ZER1: variants seen among roughly 807,000 people sequenced by gnomAD.
ZER1 encodes the protein protein zer-1 homolog.
ZER1 carries 11 observed loss-of-function variants against 78.8 expected under a neutral mutation model. The ratio of observed to expected loss-of-function variants is 0.14; its 90% CI spans 0.09 to 0.23. The LOEUF is 0.23. ZER1 is among the 10% of genes least tolerant of loss of function. The pLI is 1.00. For synonymous variants in ZER1, 400 were observed against 407.0 expected (o/e 0.98, Z 0.21); for missense variants, 588 against 996.9 (o/e 0.59, Z 5.52).
At chr9:128,769,449 C>A (rs1317203854) in intron 1 of ZER1, among the ~76,000 whole-genome samples, 2 of 150,166 alleles carry the variant, frequency 1.3e-5, no homozygotes, top group African/African-American at 2.5e-5. Context: ...TCGCTCCTGT[C>A]GCCCAGGCTG....
chr9:128,772,402 T>A (rs1308101038), upstream of ZER1: 1 of 152,282 alleles, frequency 6.6e-6, no homozygotes, highest in Admixed American at 6.5e-5. Context: ...AATGGGAAAT[T>A]GGGCGGCGAC....
At chr9:128,768,824 T>C (rs1864294997) in intron 1 of ZER1, among the ~76,000 whole-genome samples, 1 of 152,038 alleles carries the variant, frequency 6.6e-6, no homozygotes, top group Non-Finnish European at 1.5e-5. Context: ...CCACGCACAC[T>C]CCAACCACAT....
chr9:128,733,301 C>A (rs538653039), intron 15 of ZER1, 125 bp downstream of exon 15: 143 of 736,472 alleles, frequency 1.9e-4, no homozygotes, highest in Middle Eastern at 1.3e-3. Flanking sequence ...ACACTGTCAA[C>A]CTCCATACTC....
chr9:128,742,607 C>A lies in ZER1; in HGVS notation c.1498G>T (p.Val500Leu), dbSNP rs768832521. Residue 500 changes from valine (V) to leucine (L), a missense_variant, in exon 9 of 16, where the codon GTG becomes TTG. Transcript: ENST00000291900. ...RQDESIQRIA[V>L]HLCNALVCQV... ...CAGACCAGGGCATTGCACAGGTGCA[C>A]GGCGATCCGCTGGATAGACTCGTCC... 6.2e-7 allele frequency: 1 copy of A among 1,614,220 alleles called. No homozygotes were observed. Among genetic ancestry groups the A allele is most frequent in the Non-Finnish European group, 8.5e-7 (1 of 1,180,050 alleles).
intron 1 of ZER1, among the ~76,000 whole-genome samples, chr9:128,761,603 GTTTTTTT>G (rs1180495331): frequency 9.3e-6 from 1 of 107,370 alleles, no homozygotes; most frequent in African/African-American, 3.4e-5. Flanking sequence ...CCCATAATTT[GTTTTTTT>G]TTTTTTTTTT....
At position 128,731,250 on chromosome 9, in the gene ZER1, C is replaced by T. The variant is rs922945979; in HGVS notation, c.*87G>A. 19 of 1,381,976 alleles carry T rather than the reference C, an allele frequency of 1.4e-5. No individual in the cohort carries two copies. The highest frequency in any genetic ancestry group is 2.4e-5 in the East Asian group (1 of 42,458). 85.6% of individuals were successfully genotyped at this position (1,381,976 alleles called of 1,614,324 possible). A position where few individuals can be genotyped will look rare whatever the true frequency, so the allele number is the denominator to read the frequency against. On this transcript the variant is annotated 3_prime_UTR_variant, in exon 16 of 16. Transcript: ENST00000291900. Reference sequence around the variant, plus strand: ...CTCTTCACTCCGTGGGAGGCTCCCTCGGAAGGGGCCCGCCCGCTGGGCTGC... The same window carrying T: ...CTCTTCACTCCGTGGGAGGCTCCCTTGGAAGGGGCCCGCCCGCTGGGCTGC...
At chr9:128,737,174 A>C (rs777818361) in intron 13 of ZER1, among the ~76,000 whole-genome samples, 1 of 151,216 alleles carries the variant, frequency 6.6e-6, no homozygotes, top group Non-Finnish European at 1.5e-5. Context: ...TGTAGAGGTG[A>C]GGGCTCACTA....
rs1862854615 is a variant in ZER1, at chr9:128,732,259, G to C, written c.2244-865C>G. Among the ~76,000 whole-genome samples, 1 of 152,158 alleles carries C rather than the reference G, an allele frequency of 6.6e-6. No individual in the cohort carries two copies. The highest frequency in any genetic ancestry group is 1.5e-5 in the Non-Finnish European group (1 of 68,036). ...AGGTAACTGGTCAGTCTTACCCAGTGCTTCTCAAATTTCCCGGGAATCCTT... is the reference window on the plus strand; with the variant it reads ...AGGTAACTGGTCAGTCTTACCCAGTCCTTCTCAAATTTCCCGGGAATCCTT... On this transcript the variant is annotated intron_variant, in intron 15 of 15. Transcript: ENST00000291900. This position sits in a 1 kb window ranked among gnomAD's most constrained non-coding sequence, Gnocchi z 4.8.
chr9:128,749,297 A>T (rs1257982009), intron 8 of ZER1, among the ~76,000 whole-genome samples: 1 of 151,790 alleles, frequency 6.6e-6, no homozygotes, highest in Non-Finnish European at 1.5e-5. Context: ...ACTGCACTCC[A>T]GCCTGGGCGA....
Position 128,750,690 on chromosome 9 carries a change from C to G in ZER1, c.1285G>C (p.Glu429Gln). 3 of 1,614,260 alleles carry G rather than the reference C, an allele frequency of 1.9e-6. No homozygotes were observed. The highest frequency in any genetic ancestry group is 2.5e-6 in the Non-Finnish European group (3 of 1,180,046). The change falls in exon 8 of 16, where the codon GAG (glutamate) becomes CAG (glutamine). Residue 429 changes from glutamate (E) to glutamine (Q), a missense_variant. By Grantham distance (29) the Glu-to-Gln change is conservative (BLOSUM62 2). Around this residue, in one of 3 missense-constraint regions of ZER1, gnomAD observed 406 missense variants for 660.1 expected, o/e 0.62. Transcript: ENST00000291900. Reference protein sequence around the residue: ...FYLTNSEYRSEQSVKLRRQVI... With the variant: ...FYLTNSEYRSQQSVKLRRQVI... ...TGCCGGCGCAGCTTCACACTCTGCTCTGAGCGGTACTCGGAATTTGTTAGG... is the reference window on the plus strand; with the variant it reads ...TGCCGGCGCAGCTTCACACTCTGCTGTGAGCGGTACTCGGAATTTGTTAGG...
rs1863733097 is a variant in ZER1, at chr9:128,753,053, C to T, written c.746+111G>A. ...ATGGGACTGTGTCTTCATCCCCACC[C>T]TCTGCCTAGCCAAGCGCTCCTGAAC... On this transcript the variant is annotated intron_variant, in intron 4 of 15. Coordinates refer to ENST00000291900, the MANE Select transcript of ZER1 (RefSeq NM_006336.4). The surrounding 1 kb of genome is among the most constrained non-coding windows in gnomAD (Gnocchi z 7.5). The T allele has an allele frequency of 7.9e-7, 1 of 1,260,494 alleles. No homozygotes were observed. Among genetic ancestry groups the T allele is most frequent in the East Asian group, 2.5e-5 (1 of 39,364 alleles). The allele number at this position is 1,260,494 out of a possible 1,614,324, so 78.1% of individuals were successfully genotyped here. A position where few individuals can be genotyped will look rare whatever the true frequency, so the allele number is the denominator to read the frequency against.
Position 128,733,436 on chromosome 9 carries a change from C to T in ZER1, c.2233G>A (p.Glu745Lys). 3 of 1,613,970 alleles carry T rather than the reference C, an allele frequency of 1.9e-6. 1 individual carries two copies. The highest frequency in any genetic ancestry group is 3.3e-4 in the Middle Eastern group (2 of 6,062). Residue 745 changes from glutamate (E) to lysine (K), a missense_variant, in exon 15 of 16, where the codon GAA becomes AAA. Glu to Lys is a moderately conservative substitution (Grantham distance 56, BLOSUM62 1). Transcript: ENST00000291900. ...KMATARQETK[E>K]MARKVIEHCS... ...CTGCTGGTCTCTTACCGGGCCATTT[C>T]CTTGGTCTCCTGCCGTGCGGTCGCC...
Position 128,741,577 on chromosome 9 carries a change from G to A in ZER1, c.1695C>T (p.Phe565=), listed in dbSNP as rs776701903. 5.4e-5 allele frequency: 87 copies of A among 1,614,086 alleles called. No homozygotes were observed. Among genetic ancestry groups the A allele is most frequent in the Non-Finnish European group, 7.3e-5 (86 of 1,180,046 alleles). Reference sequence around the variant, plus strand: ...AGAGCTTCATGCCGTTGAAATTGAGGAACATCTCGCAGTTGTCAGGAGTTT... The same window carrying A: ...AGAGCTTCATGCCGTTGAAATTGAGAAACATCTCGCAGTTGTCAGGAGTTT... ...TDETPDNCEM[F]LNFNGMKLFL... The change falls in exon 11 of 16, where the codon TTC becomes TTT. Residue 565 remains phenylalanine, a synonymous_variant. Coordinates refer to ENST00000291900, the MANE Select transcript of ZER1 (RefSeq NM_006336.4).
chr9:128,741,288 G>A (rs1295898512), intron 11 of ZER1, among the ~76,000 whole-genome samples: 3 of 152,192 alleles, frequency 2.0e-5, no homozygotes, highest in East Asian at 1.9e-4. Flanking sequence ...TGAGAACAAC[G>A]GCCGAGGAGA....
chr9:128,761,618 T>G (rs1589544487), intron 1 of ZER1, among the ~76,000 whole-genome samples: 2 of 148,942 alleles, frequency 1.3e-5, no homozygotes, highest in Admixed American at 6.7e-5. Context: ...TTTTTTTTTT[T>G]TTTTGAGACA....
intron 13 of ZER1, 75 bp from the exon 14 acceptor site, chr9:128,735,506 C>G (rs1392382856): frequency 1.4e-5 from 20 of 1,418,230 alleles, no homozygotes; most frequent in East Asian, 1.2e-4. Flanking sequence ...GAGGTTTCCT[C>G]CCACTGGAGA....
chr9:128,767,535 G>A (rs1304960107), intron 1 of ZER1, among the ~76,000 whole-genome samples: 4 of 152,162 alleles, frequency 2.6e-5, no homozygotes, highest in East Asian at 1.9e-4. Context: ...GTGAGCCACC[G>A]CACCCAGCTG....
chr9:128,764,757 T>G (rs543417805), intron 1 of ZER1, among the ~76,000 whole-genome samples: 2 of 152,282 alleles, frequency 1.3e-5, no homozygotes, highest in South Asian at 4.1e-4. Flanking sequence ...GGGATTGTCA[T>G]TCTCAGGGCA....
chr9:128,751,349 G>T lies in ZER1; in HGVS notation c.1038+64C>A. 1 of 1,611,002 alleles carries T rather than the reference G, an allele frequency of 6.2e-7. No individual in the cohort carries two copies. ...GATCCCAGCTCAGTCTCCAGCCCCA[G>T]AATCCAGCTCCTTCTCTCTCCCAAG... On this transcript the variant is annotated intron_variant, in intron 6 of 15. Coordinates refer to ENST00000291900, the MANE Select transcript of ZER1 (RefSeq NM_006336.4). This position sits in a 1 kb window ranked among gnomAD's most constrained non-coding sequence, Gnocchi z 5.4.
Sources: allele counts gnomAD v4.1 joint callset (sites outside exome capture counted in the v4.1 genomes callset), GRCh38; gene constraint gnomAD v4.1.1; regional missense constraint gnomAD v4.1.1; non-coding constraint Gnocchi (gnomAD v3.1); transcripts MANE v1.5; gene names NCBI Gene and HGNC (gene_info 2026-07-23, HGNC 2026-07-21).